DLG2: variants seen among roughly 807,000 people sequenced by gnomAD.
DLG2 encodes discs large MAGUK scaffold protein 2.
A neutral mutation model predicts 132.5 loss-of-function variants in DLG2; 45 were observed. The observed-to-expected ratio is 0.34, with a 90% confidence interval of 0.27 to 0.44. DLG2 has a LOEUF of 0.44. DLG2 is among the 20% of genes least tolerant of loss of function. The pLI, the probability that DLG2 is intolerant of heterozygous loss-of-function variation, is 1.00. For missense variants in DLG2, 1,045 were observed against 1,196.9 expected, an observed-to-expected ratio of 0.87 and a Z score of 1.87; for synonymous variants, 424 against 419.6, an observed-to-expected ratio of 1.01 and a Z score of -0.13.
chr11:84,058,633 G>A (rs1439566616), intron 11 of DLG2, among the ~76,000 whole-genome samples: 1 of 151,280 alleles, frequency 6.6e-6, no homozygotes, highest in Non-Finnish European at 1.5e-5. Context: ...GCTTCAATGA[G>A]TCATGATCCT....
intron 3 of DLG2, among the ~76,000 whole-genome samples, chr11:85,454,345 A>G (rs1359776373): frequency 1.3e-5 from 2 of 151,268 alleles, no homozygotes; most frequent in African/African-American, 2.4e-5. Flanking sequence ...GTCTTTTGAC[A>G]TGTATGTCCT....
intron 4 of DLG2, among the ~76,000 whole-genome samples, chr11:85,183,656 T>C (rs192048612): frequency 1.7e-4 from 26 of 152,086 alleles, no homozygotes; most frequent in African/African-American, 5.1e-4. Context: ...GGTCCTGTTG[T>C]ACCCCATTTA....
intron 9 of DLG2, among the ~76,000 whole-genome samples, chr11:84,138,877 AG>A (rs1200138281): frequency 3.4e-5 from 5 of 145,924 alleles, no homozygotes; most frequent in African/African-American, 1.3e-4. Context: ...TGAACCCAAG[AG>A]GGGGAAGTTG....
chr11:84,099,292 C>G (rs547566780), intron 9 of DLG2, among the ~76,000 whole-genome samples: 9 of 151,596 alleles, frequency 5.9e-5, no homozygotes, highest in Non-Finnish European at 1.2e-4. Flanking sequence ...CTTTATGCAG[C>G]AATTAAAATC....
At position 83,843,299 on chromosome 11, in the gene DLG2, C is replaced by T. The variant is rs1190462693; in HGVS notation, c.1566-9529G>A. ...GATGCCTGCCTTTTCCTGCTATTCT[C>T]ATCTATCTAACGAGGTCCTACTTGG... On this transcript the variant is annotated intron_variant, in intron 16 of 27. Coordinates refer to ENST00000376104, the MANE Select transcript of DLG2 (RefSeq NM_001142699.3). Among the ~76,000 whole-genome samples the T allele has an allele frequency of 3.9e-5, 6 of 152,150 alleles. No homozygotes were observed. The East Asian group carries it at 1.2e-3, about 29-fold the overall frequency.
intron 6 of DLG2, among the ~76,000 whole-genome samples, chr11:84,961,689 A>G (rs1178246030): frequency 1.3e-5 from 2 of 152,204 alleles, no homozygotes; most frequent in African/African-American, 4.8e-5. Flanking sequence ...TGATAAGGAC[A>G]TAAATGTTAA....
At chr11:85,291,653 C>T (rs1316924143) in intron 3 of DLG2, among the ~76,000 whole-genome samples, 1 of 150,308 alleles carries the variant, frequency 6.7e-6, no homozygotes, top group East Asian at 2.0e-4. Flanking sequence ...AGTGCAATCT[C>T]GGCTCACTGC....
chr11:85,621,793 T>C (rs994927744), intron 2 of DLG2, among the ~76,000 whole-genome samples: 2 of 152,228 alleles, frequency 1.3e-5, no homozygotes, highest in African/African-American at 4.8e-5. Flanking sequence ...AGTGAAGATG[T>C]TGTGAACATT....
At chr11:85,464,129 C>A (rs755251627) in intron 3 of DLG2, among the ~76,000 whole-genome samples, 2 of 151,970 alleles carry the variant, frequency 1.3e-5, no homozygotes, top group Non-Finnish European at 2.9e-5. Flanking sequence ...CCCTTTCTAT[C>A]TGAAACTTAA....
chr11:84,771,857 T>TA lies in DLG2; in HGVS notation c.358-237127dup, dbSNP rs57186584. On this transcript the variant is annotated intron_variant, in intron 6 of 27. Transcript: ENST00000376104. Reference sequence around the variant, plus strand: ...AAATGCACAGAATTCCAAGTTGGGTTAAAAAAAAAGACCCATCAGGATAAA... The same window carrying TA: ...AAATGCACAGAATTCCAAGTTGGGTTAAAAAAAAAAGACCCATCAGGATAAA... Among the ~76,000 whole-genome samples the TA allele has an allele frequency of 7.2e-3, 1,092 of 150,626 alleles. 13 individuals carry two copies. The highest frequency in any genetic ancestry group is 0.024 in the African/African-American group (1,006 of 41,160).
At chr11:85,259,474 C>T (rs545308295) in intron 4 of DLG2, among the ~76,000 whole-genome samples, 1 of 152,058 alleles carries the variant, frequency 6.6e-6, no homozygotes, top group Non-Finnish European at 1.5e-5. Context: ...ACTGTGTTGC[C>T]TTACTTTAAG....
intron 9 of DLG2, among the ~76,000 whole-genome samples, chr11:84,125,796 C>T (rs1213477145): frequency 6.6e-6 from 1 of 152,152 alleles, no homozygotes. Flanking sequence ...GATTTGTTGA[C>T]ATTTAAAAAT....
chr11:83,530,179 A>T (rs182727648), intron 21 of DLG2, among the ~76,000 whole-genome samples: 21 of 152,220 alleles, frequency 1.4e-4, no homozygotes, highest in African/African-American at 4.6e-4. Context: ...CATGGAAAAA[A>T]AACCTACCTC....
chr11:83,773,426 A>T (rs2094472163), intron 18 of DLG2, among the ~76,000 whole-genome samples: 1 of 152,246 alleles, frequency 6.6e-6, no homozygotes, highest in East Asian at 1.9e-4. Flanking sequence ...TCTATTTTCA[A>T]ATTCTCAAAG....
intron 7 of DLG2, among the ~76,000 whole-genome samples, chr11:84,319,124 G>T (rs550789449): frequency 6.6e-6 from 1 of 152,242 alleles, no homozygotes; most frequent in East Asian, 1.9e-4. Flanking sequence ...AATAGTTTTT[G>T]CCTTCTTAAA....
intron 4 of DLG2, among the ~76,000 whole-genome samples, chr11:85,222,168 G>A (rs917751967): frequency 6.6e-5 from 10 of 152,128 alleles, no homozygotes; most frequent in East Asian, 3.9e-4. Context: ...ATTTTACCAC[G>A]TTGGCCAGGC....
chr11:84,450,147 T>G (rs2099047439), intron 7 of DLG2, among the ~76,000 whole-genome samples: 1 of 151,894 alleles, frequency 6.6e-6, no homozygotes. Context: ...CTAGAGGAAT[T>G]AAGCTTTGAA....
chr11:84,521,861 T>C (rs1369914864), intron 7 of DLG2, among the ~76,000 whole-genome samples: 1 of 152,188 alleles, frequency 6.6e-6, no homozygotes, highest in Middle Eastern at 3.2e-3. Flanking sequence ...AAACAAGTTT[T>C]TAAATTAAAT....
chr11:84,111,931 C>A (rs541243928), intron 9 of DLG2, among the ~76,000 whole-genome samples: 1 of 152,174 alleles, frequency 6.6e-6, no homozygotes, highest in African/African-American at 2.4e-5. Flanking sequence ...ATTTCCACTG[C>A]CTCTATTTCC....
Sources: gnomAD v4.1 joint callset for allele counts (sites outside exome capture counted in the v4.1 genomes callset) on GRCh38, gnomAD v4.1.1 for gene constraint, MANE v1.5 for transcripts, NCBI Gene and HGNC (gene_info 2026-07-23, HGNC 2026-07-21) for gene names.